GAPVD1: variants seen among roughly 807,000 people sequenced by gnomAD.
GAPVD1 encodes the protein GTPase-activating protein and VPS9 domain-containing protein 1.
A neutral mutation model predicts 155.5 loss-of-function variants in GAPVD1; 35 were observed. The ratio of observed to expected loss-of-function variants is 0.23; its 90% CI spans 0.17 to 0.30. GAPVD1 has a LOEUF of 0.30. GAPVD1 is among the 10% of genes least tolerant of loss of function. The probability of loss-of-function intolerance (pLI) is 1.00; values close to 1 mark genes in which losing one functional copy is unlikely to be tolerated. For missense variants in GAPVD1, 1,429 were observed against 1,775.7 expected, an observed-to-expected ratio of 0.80 and a Z score of 3.51; for synonymous variants, 636 against 619.7, an observed-to-expected ratio of 1.03 and a Z score of -0.39.
In GAPVD1 at chr9:125,263,805, C is replaced by T. The variant is rs1833376661; in HGVS notation, c.-199+1846C>T. The T allele has an allele frequency of 5.7e-6, 6 of 1,057,370 alleles. No homozygotes were observed. The East Asian group carries it at 9.4e-5, about 17-fold the overall frequency. The allele number at this position is 1,057,370 out of a possible 1,614,324, so 65.5% of individuals were successfully genotyped here. ...GACCTTTAGGCTGAGGCCTGCCGGT[C>T]TCTGGACAGCTATGGCGTAGGGTAG... is the stretch of plus-strand genomic sequence containing the variant. On this transcript the variant is annotated intron_variant, in intron 1 of 27. Coordinates refer to ENST00000297933, the MANE Select transcript of GAPVD1 (RefSeq NM_001282680.3).
intron 12 of GAPVD1, 33 bp downstream of exon 12, chr9:125,326,622 G>A (rs537124318): frequency 4.0e-6 from 6 of 1,508,882 alleles, no homozygotes; most frequent in African/African-American, 1.4e-5. Context: ...GAAATATCAC[G>A]GTTTAGTTAT....
chr9:125,277,190 C>T (rs1288703070), intron 2 of GAPVD1, among the ~76,000 whole-genome samples: 2 of 152,182 alleles, frequency 1.3e-5, no homozygotes, highest in African/African-American at 2.4e-5. Context: ...TAAATTCAAA[C>T]ATTCATTCAG....
chr9:125,359,725 T>G, intron 26 of GAPVD1: 2 of 484,030 alleles, frequency 4.1e-6, no homozygotes, highest in Non-Finnish European at 7.4e-6. Context: ...TGATGCCACT[T>G]CTCAAGTCAG....
In GAPVD1 at chr9:125,363,772, C is replaced by T. The variant is rs923820697; in HGVS notation, c.*1026C>T. 2.8e-4 allele frequency: 42 copies of T among 152,720 alleles called. No individual in the cohort carries two copies. The highest frequency in any genetic ancestry group is 9.9e-4 in the African/African-American group (41 of 41,544). The allele number at this position is 152,720 out of a possible 1,614,324, so 9.5% of individuals were successfully genotyped here. On this transcript the variant is annotated 3_prime_UTR_variant, in exon 28 of 28. Coordinates refer to ENST00000297933, the MANE Select transcript of GAPVD1 (RefSeq NM_001282680.3). ...AAAAAACTAATTTGTATTGTCTGCT[C>T]TAGTGATACAAGTTTTACTAGTGAT...
Position 125,337,439 on chromosome 9 carries a change from G to A in GAPVD1, c.2725G>A (p.Val909Ile), listed in dbSNP as rs545384112. 6.2e-7 allele frequency: 1 copy of A among 1,614,062 alleles called. No homozygotes were observed. The highest frequency in any genetic ancestry group is 1.1e-5 in the South Asian group (1 of 91,092). ...RSRSSDIVSS[V>I]RRPMSDPSWN... ...CAGGAGCTCTGATATAGTATCTTCT[G>A]TCCGGAGACCCATGAGTGACCCCAG... The change falls in exon 17 of 28, where the codon GTC (valine) becomes ATC (isoleucine). Residue 909 changes from valine to isoleucine, a missense_variant. Val to Ile is a conservative substitution (Grantham distance 29). Coordinates refer to ENST00000297933, the MANE Select transcript of GAPVD1 (RefSeq NM_001282680.3).
chr9:125,263,154 C>T (rs1428788973), intron 1 of GAPVD1, among the ~76,000 whole-genome samples: 1 of 152,178 alleles, frequency 6.6e-6, no homozygotes, highest in African/African-American at 2.4e-5. Context: ...TAGGCTTCAC[C>T]AAACTGCCAA....
Position 125,363,573 on chromosome 9 carries a change from A to C in GAPVD1, c.*827A>C, listed in dbSNP as rs765574407. On this transcript the variant is annotated 3_prime_UTR_variant, in exon 28 of 28. Transcript: ENST00000297933. ...TTAGGAGATAGACTGATTACCATAC[A>C]TGACATAAAAAGGAACAGTGGATAG... 6.6e-6 allele frequency: 1 copy of C among 152,410 alleles called. No individual in the cohort carries two copies. The highest frequency in any genetic ancestry group is 1.5e-5 in the Non-Finnish European group (1 of 68,042). 9.4% of individuals were successfully genotyped at this position (152,410 alleles called of 1,614,324 possible).
At chr9:125,323,608 T>G (rs1844715742) in intron 10 of GAPVD1, among the ~76,000 whole-genome samples, 190 bp from the exon 11 acceptor site, 1 of 152,146 alleles carries the variant, frequency 6.6e-6, no homozygotes, top group Admixed American at 6.5e-5. Context: ...CCCAGCAGAT[T>G]AATTTGTTAT....
chr9:125,358,398 G>T (rs1405793997), intron 25 of GAPVD1, among the ~76,000 whole-genome samples: 7 of 152,096 alleles, frequency 4.6e-5, no homozygotes, highest in Admixed American at 6.6e-5. Context: ...GAGCCACCCC[G>T]CCCGGCCTTC....
chr9:125,349,510 T>C lies in GAPVD1; in HGVS notation c.3290T>C (p.Phe1097Ser), dbSNP rs1348115444. 6.2e-7 allele frequency: 1 copy of C among 1,614,106 alleles called. No individual in the cohort carries two copies. The highest frequency in any genetic ancestry group is 1.1e-5 in the South Asian group (1 of 91,082). The change falls in exon 21 of 28, where the codon TTC (phenylalanine) becomes TCC (serine). Residue 1097 changes from phenylalanine (F) to serine (S), a missense_variant. Coordinates refer to ENST00000297933, the MANE Select transcript of GAPVD1 (RefSeq NM_001282680.3). ...SQAAHPQDSA[F>S]SYRDAKKKLR... ...GCAGCCCACCCGCAGGATTCAGCTT[T>C]CTCTTACAGGTATTTCTTTTATAGG... is the stretch of plus-strand genomic sequence containing the variant.
chr9:125,307,132 C>A (rs1006775241), intron 6 of GAPVD1, among the ~76,000 whole-genome samples: 3 of 151,802 alleles, frequency 2.0e-5, no homozygotes, highest in African/African-American at 7.3e-5. Context: ...CGGGCATGGT[C>A]GTGGCACCTA....
intron 17 of GAPVD1, among the ~76,000 whole-genome samples, chr9:125,340,592 TTTA>T (rs933722727): frequency 6.6e-6 from 1 of 152,132 alleles, no homozygotes; most frequent in Non-Finnish European, 1.5e-5. Flanking sequence ...CACATTTGGT[TTTA>T]TTATTATTAA....
At chr9:125,359,337 G>GACTAGTCA in intron 25 of GAPVD1, 83 bp from the exon 26 acceptor site, 1 of 811,106 alleles carries the variant, frequency 1.2e-6, no homozygotes, top group Non-Finnish European at 2.2e-6. Context: ...TGTTTCACGT[G>GACTAGTCA]TTTTGTAAAA....
intron 6 of GAPVD1, among the ~76,000 whole-genome samples, chr9:125,306,022 A>G (rs972764577): frequency 1.3e-5 from 2 of 152,226 alleles, no homozygotes; most frequent in African/African-American, 4.8e-5. Flanking sequence ...ATATAGTTAA[A>G]TAAAATTTTA....
chr9:125,356,695 A>G (rs949022742), intron 25 of GAPVD1, among the ~76,000 whole-genome samples: 2 of 152,054 alleles, frequency 1.3e-5, no homozygotes, highest in Non-Finnish European at 2.9e-5. Context: ...TTATTTAGAC[A>G]GAGTGTCACT....
chr9:125,363,822 TTC>T lies in GAPVD1; in HGVS notation c.*1078_*1079del, dbSNP rs1851246049. 1 of 152,672 alleles carries T rather than the reference TTC, an allele frequency of 6.5e-6. No individual in the cohort carries two copies. 9.5% of individuals were successfully genotyped at this position (152,672 alleles called of 1,614,324 possible). On this transcript the variant is annotated 3_prime_UTR_variant, in exon 28 of 28. Transcript: ENST00000297933. ...TAAACTATTTTAATCAACCATACTA[TTC>T]TTATGGAAAAAAATATCTATTTTGG...
At chr9:125,362,076 A>C (rs2132747207) in intron 27 of GAPVD1, among the ~76,000 whole-genome samples, 1 of 152,058 alleles carries the variant, frequency 6.6e-6, no homozygotes, top group Admixed American at 6.5e-5. Context: ...GCTAGTTTTA[A>C]GGAAAAGGCC....
At chr9:125,350,462 A>G in intron 22 of GAPVD1, 58 bp downstream of exon 22, 2 of 1,075,858 alleles carry the variant, frequency 1.9e-6, no homozygotes, top group African/African-American at 1.6e-5. Flanking sequence ...ACCATATGAA[A>G]TTGCCAGTAT....
Position 125,300,041 on chromosome 9 carries a change from ATATATATATATATATATATATATATAT to A in GAPVD1, c.185+936_185+962del. On this transcript the variant is annotated intron_variant, in intron 4 of 27. Transcript: ENST00000297933. ...CTCAAAAGAAAAAAAAAAAAAAAAT[ATATATATATATATATATATATATATAT>A]ATATATATATATATATATATATATA... 8.1e-4 allele frequency among the ~76,000 whole-genome samples: 11 copies of A among 13,542 alleles called. 1 individual carries two copies. The highest frequency in any genetic ancestry group is 2.2e-3 in the African/African-American group (7 of 3,142). The allele number at this position is 13,542 out of a possible 152,430, so 8.9% of individuals were successfully genotyped here. A position where few individuals can be genotyped will look rare whatever the true frequency, so the allele number is the denominator to read the frequency against.
Sources: gnomAD v4.1 joint callset for allele counts (sites outside exome capture counted in the v4.1 genomes callset) on GRCh38, gnomAD v4.1.1 for gene constraint, MANE v1.5 for transcripts, NCBI Gene and HGNC (gene_info 2026-07-23, HGNC 2026-07-21) for gene names.